The following RHBDL3 variants were observed in gnomAD, a reference collection of about 807,000 sequenced individuals.
The protein encoded by RHBDL3 is rhomboid-related protein 3.
Under a neutral mutation model 48.2 loss-of-function variants are expected in RHBDL3, and 28 were observed. The ratio of observed to expected loss-of-function variants is 0.58; its 90% CI spans 0.43 to 0.80. RHBDL3 has a LOEUF of 0.80. Among genes scored for constraint, RHBDL3 ranks in the 30% least tolerant of loss-of-function variants. RHBDL3 has a pLI of 0.00. For missense variants in RHBDL3, 464 were observed against 542.7 expected, an observed-to-expected ratio of 0.85 and a Z score of 1.44; for synonymous variants, 208 against 232.3, an observed-to-expected ratio of 0.90 and a Z score of 0.95.
At chr17:32,282,016 G>A (rs1355703394) in intron 2 of RHBDL3, among the ~76,000 whole-genome samples, 5 of 152,156 alleles carry the variant, frequency 3.3e-5, no homozygotes, top group South Asian at 2.1e-4. Context: ...CTATTTCCTC[G>A]TCTGTAATAT....
intron 5 of RHBDL3, among the ~76,000 whole-genome samples, chr17:32,295,452 G>A (rs976397576): frequency 6.6e-6 from 1 of 152,206 alleles, no homozygotes; most frequent in African/African-American, 2.4e-5. Flanking sequence ...CCCAGGCTTC[G>A]ATCTTACAGG....
In RHBDL3 at chr17:32,298,166, C is replaced by A; in HGVS notation, c.743C>A (p.Thr248Asn). 1 of 1,614,020 alleles carries A rather than the reference C, an allele frequency of 6.2e-7. No homozygotes were observed. The highest frequency in any genetic ancestry group is 2.2e-5 in the East Asian group (1 of 44,870). The change falls in exon 6 of 9, where the codon ACC (threonine) becomes AAC (asparagine). Residue 248 changes from threonine (T) to asparagine (N), a missense_variant. Thr to Asn is a moderately conservative substitution (Grantham distance 65, BLOSUM62 0). Transcript: ENST00000269051. ...GVPLEMVHGA[T>N]RIGLVYVAGV... ...CCCCTGGAGATGGTGCATGGAGCCACCCGAATTGGGCTTGTCTACGTGGCC... is the reference window on the plus strand; with the variant it reads ...CCCCTGGAGATGGTGCATGGAGCCAACCGAATTGGGCTTGTCTACGTGGCC...
At chr17:32,320,836 C>G (rs2041110902) in intron 8 of RHBDL3, 122 bp from the exon 9 acceptor site, 1 of 691,092 alleles carries the variant, frequency 1.4e-6, no homozygotes, top group South Asian at 1.7e-5. Flanking sequence ...TACTGTGTCC[C>G]CAGTGCAGAG....
chr17:32,296,331 CTTTT>C (rs5819975), intron 5 of RHBDL3, among the ~76,000 whole-genome samples: 1 of 83,782 alleles, frequency 1.2e-5, no homozygotes. Context: ...GAATAGGTCT[CTTTT>C]TTTTTTTTTT....
chr17:32,301,743 C>T (rs1264132897), intron 6 of RHBDL3, among the ~76,000 whole-genome samples: 1 of 151,924 alleles, frequency 6.6e-6, no homozygotes, highest in Non-Finnish European at 1.5e-5. Context: ...ATTGCTTGAA[C>T]CCAGGAGGCG....
intron 6 of RHBDL3, among the ~76,000 whole-genome samples, chr17:32,299,356 C>A (rs191465210): frequency 6.6e-6 from 1 of 152,154 alleles, no homozygotes; most frequent in Non-Finnish European, 1.5e-5. Context: ...CTCCTGTATG[C>A]GCTGAGGTTA....
At chr17:32,312,684 A>G (rs1194334229) in intron 7 of RHBDL3, among the ~76,000 whole-genome samples, 2 of 151,636 alleles carry the variant, frequency 1.3e-5, no homozygotes, top group Admixed American at 6.6e-5. Context: ...CACCCAGCTA[A>G]TTTTTTTATA....
chr17:32,313,751 C>CTTTTTTTTTTTTTTTTTTTTTTTTTTTT (rs559422433), intron 7 of RHBDL3, among the ~76,000 whole-genome samples: 1 of 98,630 alleles, frequency 1.0e-5, no homozygotes. Flanking sequence ...AATTCCCTCC[C>CTTTTTTTTTTTTTTTTTTTTTTTTTTTT]TTTTTTTTTT....
chr17:32,279,798 C>G (rs2039999734), intron 2 of RHBDL3, among the ~76,000 whole-genome samples: 1 of 152,102 alleles, frequency 6.6e-6, no homozygotes, highest in Non-Finnish European at 1.5e-5. Flanking sequence ...AATGAACTAC[C>G]CAAGATGGCA....
intron 2 of RHBDL3, among the ~76,000 whole-genome samples, chr17:32,276,878 G>C (rs111292989): frequency 0.079 from 1,394 of 17,598 alleles, 1 homozygote; most frequent in African/African-American, 0.17. Context: ...GCACAGTACT[G>C]CGGCCCTAGC....
At chr17:32,283,195 G>C (rs57224020) in intron 2 of RHBDL3, among the ~76,000 whole-genome samples, 19,775 of 152,034 alleles carry the variant, frequency 0.13, 1,401 homozygotes, top group Admixed American at 0.16. Context: ...GAAAGCTCCT[G>C]GCGTCCAGGA....
intron 3 of RHBDL3, among the ~76,000 whole-genome samples, chr17:32,287,985 C>T (rs758503041): frequency 1.5e-4 from 23 of 152,196 alleles, no homozygotes; most frequent in African/African-American, 5.1e-4. Flanking sequence ...AGCTTCAGGC[C>T]GCTGAGGATA....
intron 7 of RHBDL3, among the ~76,000 whole-genome samples, chr17:32,305,778 C>T (rs868753620): frequency 6.6e-6 from 1 of 151,916 alleles, no homozygotes; most frequent in Middle Eastern, 3.4e-3. Flanking sequence ...ATTAGCCAGG[C>T]GTGGTGGCAT....
chr17:32,279,569 A>C (rs1227517610), intron 2 of RHBDL3, among the ~76,000 whole-genome samples: 1 of 152,172 alleles, frequency 6.6e-6, no homozygotes, highest in East Asian at 1.9e-4. Context: ...CTCCATGTGG[A>C]ATTGCCTGCT....
chr17:32,267,055 G>A (rs899977322), intron 1 of RHBDL3, among the ~76,000 whole-genome samples: 1 of 152,114 alleles, frequency 6.6e-6, no homozygotes, highest in Non-Finnish European at 1.5e-5. Flanking sequence ...ACCTCCCGGG[G>A]CTAACCTACA....
At chr17:32,290,066 A>G (rs1328461869) in intron 4 of RHBDL3, among the ~76,000 whole-genome samples, 1 of 152,188 alleles carries the variant, frequency 6.6e-6, no homozygotes, top group Non-Finnish European at 1.5e-5. Context: ...TTTGAGGCCC[A>G]ATAATAACGA....
intron 2 of RHBDL3, among the ~76,000 whole-genome samples, chr17:32,270,964 G>C (rs949431959): frequency 6.6e-6 from 1 of 152,126 alleles, no homozygotes; most frequent in South Asian, 2.1e-4. Flanking sequence ...GGGAAGCCAA[G>C]GTGGGCAGAT....
At position 32,266,635 on chromosome 17, in the gene RHBDL3, A is replaced by G. The variant is rs919640749; in HGVS notation, c.111+335A>G. 4.3e-4 allele frequency among the ~76,000 whole-genome samples: 65 copies of G among 151,324 alleles called. No homozygotes were observed. The East Asian group carries it at 9.0e-3, about 21-fold the overall frequency. ...CAGAGGCGGCCGCGTCACGGCGGTG[A>G]CTCCCCCTCCCCTCACGCCCGCGAC... On this transcript the variant is annotated intron_variant, in intron 1 of 8. Coordinates refer to ENST00000269051, the MANE Select transcript of RHBDL3 (RefSeq NM_138328.3).
In RHBDL3 at chr17:32,294,415, A is replaced by G; in HGVS notation, c.641A>G (p.Tyr214Cys). 1.2e-6 allele frequency: 2 copies of G among 1,614,080 alleles called. No individual in the cohort carries two copies. The highest frequency in any genetic ancestry group is 1.7e-6 in the Non-Finnish European group (2 of 1,179,988). ...CAGCTGCGAGCACAGGTTTGGCGCT[A>G]CCTGACATACATCTTCATGCATGCA... The part of the protein sequence containing the change: ...HPQLRAQVWR[Y>C]LTYIFMHAGI... Residue 214 changes from tyrosine to cysteine, a missense_variant, in exon 5 of 9, where the codon TAC becomes TGC. Tyr to Cys is a radical substitution (Grantham distance 194, BLOSUM62 -2). Transcript: ENST00000269051.
Sources: allele counts gnomAD v4.1 joint callset (sites outside exome capture counted in the v4.1 genomes callset), GRCh38; gene constraint gnomAD v4.1.1; transcripts MANE v1.5; gene names NCBI Gene and HGNC (gene_info 2026-07-23, HGNC 2026-07-21).